Variants in KRT74 observed in about 807,000 individuals in gnomAD.
KRT74 encodes the protein keratin 74, also known as keratin, type II cytoskeletal 74.
Under a neutral mutation model 42.7 loss-of-function variants are expected in KRT74, and 43 were observed. That is an observed-to-expected ratio of 1.01 (90% CI 0.79 to 1.30). KRT74 has a LOEUF of 1.30. Ranked by LOEUF, KRT74 falls within the 50% of genes most tolerant of loss-of-function variation. KRT74 has a pLI of 0.00. For synonymous variants in KRT74, 302 were observed against 279.0 expected, an observed-to-expected ratio of 1.08 and a Z score of -0.82; for missense variants, 736 against 689.1, an observed-to-expected ratio of 1.07 and a Z score of -0.76.
intron 1 of KRT74, 140 bp from the exon 2 acceptor site, chr12:52,572,807 C>A: frequency 1.3e-6 from 1 of 774,672 alleles, no homozygotes; most frequent in Non-Finnish European, 2.2e-6. Context: ...CCTTGCCATT[C>A]CACACAAACT....
intron 2 of KRT74, 37 bp from the exon 3 acceptor site, chr12:52,572,041 A>G (rs1417171875): frequency 2.0e-6 from 3 of 1,473,428 alleles, no homozygotes; most frequent in Non-Finnish European, 2.8e-6. Flanking sequence ...TAGCCCCCTT[A>G]GCCAAGGAAC....
At position 52,573,626 on chromosome 12, in the gene KRT74, T is replaced by C. The variant is rs1490945008; in HGVS notation, c.152A>G (p.Tyr51Cys). The C allele has an allele frequency of 1.2e-6, 2 of 1,614,176 alleles. No individual in the cohort carries two copies. Among genetic ancestry groups the C allele is most frequent in the Middle Eastern group, 1.6e-4 (1 of 6,062 alleles). The stretch of plus-strand genomic sequence containing the variant: ...AATACGCCGATTCCCTCCAAGGCTA[T>C]AGAGGCTCCGACTGCCAAAGCCAGC... ...AGAGFGSRSL[Y>C]SLGGNRRISF... Residue 51 changes from tyrosine (Y) to cysteine (C), a missense_variant, in exon 1 of 9, where the codon TAT becomes TGT. Physicochemically the swap from Tyr to Cys is radical, Grantham distance 194. Transcript: ENST00000305620.
rs765794197 is a variant in KRT74 at position 52,567,054 on chromosome 12, G to T, written c.1505C>A (p.Thr502Asn). Residue 502 changes from threonine to asparagine, a missense_variant, in exon 9 of 9, where the codon ACC (threonine) becomes AAC (asparagine). Coordinates refer to ENST00000305620, the MANE Select transcript of KRT74 (RefSeq NM_175053.4). ...SGSTQSGQTKTTEARGGDLKD... is the reference protein window; with the variant it reads ...SGSTQSGQTKNTEARGGDLKD... ...GAGGTCTCCCCCTCGCGCCTCTGTG[G>T]TCTTGGTCTGCCCGCTCTGGGTGCT... The T allele has an allele frequency of 6.3e-7, 1 of 1,598,828 alleles. No homozygotes were observed. The highest frequency in any genetic ancestry group is 1.1e-5 in the South Asian group (1 of 89,534).
In KRT74 at chr12:52,567,803, A is replaced by G. The variant is rs1311463342; in HGVS notation, c.1356-110T>C. The G allele has an allele frequency of 7.4e-6, 6 of 812,714 alleles. No individual in the cohort carries two copies. In the East Asian group the frequency reaches 1.0e-4, roughly 14 times the overall value. 50.3% of individuals were successfully genotyped at this position (812,714 alleles called of 1,614,324 possible). ...ATCATTTAAACTCATCCTTATAACAACTTACGAAACTGACACTATCGCCTT... is the reference window on the plus strand; with the variant it reads ...ATCATTTAAACTCATCCTTATAACAGCTTACGAAACTGACACTATCGCCTT... On this transcript the variant is annotated intron_variant, in intron 7 of 8. Transcript: ENST00000305620.
At chr12:52,572,271 A>G (rs117288415) in intron 2 of KRT74, among the ~76,000 whole-genome samples, 182 bp downstream of exon 2, 5,341 of 152,268 alleles carry the variant, frequency 0.035, 128 homozygotes, top group Middle Eastern at 0.058. Context: ...ACCGCTTCCT[A>G]TCAACTAGGC....
rs1939508497 is a variant in KRT74, at chr12:52,572,665, T to C, written c.474A>G (p.Val158=). Residue 158 remains valine, a splice_region_variant and synonymous_variant, in exon 2 of 9, where the codon GTA becomes GTG. Coordinates refer to ENST00000305620, the MANE Select transcript of KRT74 (RefSeq NM_175053.4). ...CCTGGTTCTGCTGCTCTAGGAAGCG[T>C]ACCTGGAACCCAAATCAACAGACAC... is the stretch of plus-strand genomic sequence containing the variant. ...NDKFASFIDK[V]RFLEQQNQVL... is the part of the protein sequence containing the mutation. 6.2e-7 allele frequency: 1 copy of C among 1,614,092 alleles called. No individual in the cohort carries two copies. Among genetic ancestry groups the C allele is most frequent in the Non-Finnish European group, 8.5e-7 (1 of 1,179,946 alleles).
chr12:52,567,000 G>A lies in KRT74; in HGVS notation c.1559C>T (p.Ala520Val), dbSNP rs1037210876. 6.2e-7 allele frequency: 1 copy of A among 1,608,736 alleles called. No homozygotes were observed. Among genetic ancestry groups the A allele is most frequent in the Non-Finnish European group, 8.5e-7 (1 of 1,176,492 alleles). The change falls in exon 9 of 9, where the codon GCC becomes GTC. Residue 520 changes from alanine (A) to valine (V), a missense_variant. Physicochemically the swap from Ala to Val is moderately conservative, Grantham distance 64. Coordinates refer to ENST00000305620, the MANE Select transcript of KRT74 (RefSeq NM_175053.4). ...GGTGGCTTTCCTTGCTGGGATGCTG[G>A]CTGGGGTGCTCTTGCCCTGGGTGTC... Reference protein sequence around the residue: ...LKDTQGKSTPASIPARKATR With the variant: ...LKDTQGKSTPVSIPARKATR
At position 52,567,073 on chromosome 12, in the gene KRT74, G is replaced by C. The variant is rs757020828; in HGVS notation, c.1486C>G (p.Gln496Glu). 1 of 1,596,202 alleles carries C rather than the reference G, an allele frequency of 6.3e-7. No individual in the cohort carries two copies. The highest frequency in any genetic ancestry group is 2.3e-5 in the East Asian group (1 of 44,412). ...SAVAGSSGST[Q>E]SGQTKTTEAR... ...TCTGTGGTCTTGGTCTGCCCGCTCT[G>C]GGTGCTGCCAGAGCTGCCTGCCACA... Residue 496 changes from glutamine to glutamate, a missense_variant, in exon 9 of 9, where the codon CAG becomes GAG. By Grantham distance (29) the Gln-to-Glu change is conservative. Coordinates refer to ENST00000305620, the MANE Select transcript of KRT74 (RefSeq NM_175053.4).
chr12:52,567,526 C>T, intron 8 of KRT74, 133 bp downstream of exon 8: 2 of 767,958 alleles, frequency 2.6e-6, no homozygotes, highest in East Asian at 5.0e-5. Flanking sequence ...AGAACATTTC[C>T]TTTGAAGCCC....
intron 5 of KRT74, 124 bp downstream of exon 5, chr12:52,570,545 A>G: frequency 1.9e-6 from 2 of 1,027,540 alleles, no homozygotes; most frequent in Non-Finnish European, 2.9e-6. Context: ...TTTTCCTTGA[A>G]GCCTTGGTTG....
Position 52,567,076 on chromosome 12 carries a change from T to C in KRT74, c.1483A>G (p.Thr495Ala). The C allele has an allele frequency of 6.3e-7, 1 of 1,596,772 alleles. No individual in the cohort carries two copies. Among genetic ancestry groups the C allele is most frequent in the Non-Finnish European group, 8.6e-7 (1 of 1,167,064 alleles). ...ASAVAGSSGS[T>A]QSGQTKTTEA... is the part of the protein sequence containing the mutation. ...GTGGTCTTGGTCTGCCCGCTCTGGGTGCTGCCAGAGCTGCCTGCCACAGCG... is the reference window on the plus strand; with the variant it reads ...GTGGTCTTGGTCTGCCCGCTCTGGGCGCTGCCAGAGCTGCCTGCCACAGCG... The change falls in exon 9 of 9, where the codon ACC (threonine) becomes GCC (alanine). Residue 495 changes from threonine to alanine, a missense_variant. Transcript: ENST00000305620.
intron 3 of KRT74, 88 bp from the exon 4 acceptor site, chr12:52,571,542 T>C (rs1170092689): frequency 2.2e-6 from 2 of 925,206 alleles, no homozygotes; most frequent in Admixed American, 3.5e-5. Context: ...CACCTGATTT[T>C]CTATTTTCTA....
rs141775011 is a variant in KRT74, at chr12:52,570,865, C to A, written c.844-32G>T. The A allele has an allele frequency of 6.2e-5, 100 of 1,613,644 alleles. No individual in the cohort carries two copies. In the African/African-American group the frequency reaches 1.2e-3, roughly 19 times the overall value. On this transcript the variant is annotated intron_variant, in intron 4 of 8. Transcript: ENST00000305620. ...TGAGAGAGGAAGACAGATTCAGCAA[C>A]CCCCTGGCTTCCCTCTTCTGCCCCA...
At position 52,570,689 on chromosome 12, in the gene KRT74, C is replaced by T. The variant is rs765836854; in HGVS notation, c.988G>A (p.Glu330Lys). The T allele has an allele frequency of 5.0e-6, 8 of 1,614,090 alleles. No individual in the cohort carries two copies. The highest frequency in any genetic ancestry group is 2.7e-5 in the African/African-American group (2 of 74,944). Residue 330 changes from glutamate (E) to lysine (K), a missense_variant, in exon 5 of 9, where the codon GAG becomes AAG. Physicochemically the swap from Glu to Lys is moderately conservative, Grantham distance 56. Transcript: ENST00000305620. Reference protein sequence around the residue: ...EIALKSKAEAEALYQTKIQEL... With the variant: ...EIALKSKAEAKALYQTKIQEL... Reference sequence around the variant, plus strand: ...ACCACCTTGGTCTGGTACAGGGCCTCGGCCTCGGCCTTGCTCTTCAGGGCG... The same window carrying T: ...ACCACCTTGGTCTGGTACAGGGCCTTGGCCTCGGCCTTGCTCTTCAGGGCG...
intron 5 of KRT74, among the ~76,000 whole-genome samples, 169 bp downstream of exon 5, chr12:52,570,500 T>G (rs1939459507): frequency 6.6e-6 from 1 of 152,266 alleles, no homozygotes; most frequent in South Asian, 2.1e-4. Context: ...GTTTCATGAT[T>G]TATCTTTGAT....
Position 52,572,590 on chromosome 12 carries a change from G to C in KRT74, c.549C>G (p.Cys183Trp), listed in dbSNP as rs1471900400. Residue 183 changes from cysteine (C) to tryptophan (W), a missense_variant, in exon 2 of 9, where the codon TGC (cysteine) becomes TGG (tryptophan). By Grantham distance (215) the Cys-to-Trp change is radical. Transcript: ENST00000305620. The stretch of plus-strand genomic sequence containing the variant: ...CAAGGATGGGCTCCAGGTTCTTCTT[G>C]CAGTTGTTCAGGTCCAGCTGCTGCA... ...ELLQQLDLNN[C>W]KKNLEPILEG... 1.2e-6 allele frequency: 2 copies of C among 1,614,010 alleles called. No homozygotes were observed. Among genetic ancestry groups the C allele is most frequent in the Non-Finnish European group, 1.7e-6 (2 of 1,180,030 alleles).
intron 8 of KRT74, 57 bp from the exon 9 acceptor site, chr12:52,567,225 G>C (rs1939397109): frequency 1.4e-6 from 2 of 1,423,810 alleles, no homozygotes; most frequent in Middle Eastern, 2.1e-4. Context: ...GCAGATAACA[G>C]CTATGGTAAC....
chr12:52,567,598 C>T (rs1939401956), intron 8 of KRT74, 61 bp downstream of exon 8: 2 of 1,202,288 alleles, frequency 1.7e-6, no homozygotes, highest in Admixed American at 1.7e-5. Context: ...ATGGAGGTGA[C>T]ATCACTTTGT....
rs750013698 is a variant in KRT74, at chr12:52,570,648, G to C, written c.1008+21C>G. The C allele has an allele frequency of 3.1e-6, 5 of 1,614,062 alleles. No individual in the cohort carries two copies. The South Asian group carries it at 5.5e-5, about 18-fold the overall frequency. ...CAGGAAGCGAAGGGCTGCTGTGGGA[G>C]GAGACCCATTCGGTGACCACCTTGG... On this transcript the variant is annotated intron_variant, in intron 5 of 8. Transcript: ENST00000305620.
Sources: allele counts gnomAD v4.1 joint callset (sites outside exome capture counted in the v4.1 genomes callset), GRCh38; gene constraint gnomAD v4.1.1; transcripts MANE v1.5; gene names NCBI Gene and HGNC (gene_info 2026-07-23, HGNC 2026-07-21).